The following MYOF variants were observed in gnomAD, a reference collection of about 807,000 sequenced individuals.
The protein encoded by MYOF is myoferlin.
In MYOF, 244 loss-of-function variants were observed where a neutral mutation model predicts 284.2. The ratio of observed to expected loss-of-function variants is 0.86; its 90% confidence interval spans 0.77 to 0.95. The LOEUF (loss-of-function observed/expected upper bound fraction) is 0.95, where lower values mean the gene tolerates loss of function less well. Among genes scored for constraint, MYOF ranks in the 40% least tolerant of loss-of-function variants. The pLI, the probability that MYOF is intolerant of heterozygous loss-of-function variation, is 0.00. For missense variants in MYOF, 2,496 were observed against 2,560.6 expected (o/e 0.97, Z 0.54); for synonymous variants, 904 against 919.7 (o/e 0.98, Z 0.31).
intron 39 of MYOF, among the ~76,000 whole-genome samples, chr10:93,339,142 A>G (rs2133840006): frequency 6.6e-6 from 1 of 151,480 alleles, no homozygotes; most frequent in East Asian, 2.0e-4. Flanking sequence ...CCTCCCGAGT[A>G]GCTGGCACTA....
intron 37 of MYOF, 126 bp from the exon 38 acceptor site, chr10:93,344,058 GAATAGA>G: frequency 1.1e-6 from 1 of 888,702 alleles, no homozygotes. Context: ...GGGACTTACA[GAATAGA>G]GAGGACAACT....
chr10:93,334,728 A>G (rs774628280), intron 41 of MYOF, among the ~76,000 whole-genome samples: 59 of 152,284 alleles, frequency 3.9e-4, no homozygotes, highest in Admixed American at 1.7e-3. Context: ...GTCTTTATTC[A>G]GTCAAGCAGC....
Position 93,374,862 on chromosome 10 carries a change from A to T in MYOF, c.2202T>A (p.His734Gln). Residue 734 changes from histidine to glutamine, a missense_variant, in exon 23 of 54, where the codon CAT (histidine) becomes CAA (glutamine). Physicochemically the swap from His to Gln is conservative, Grantham distance 24. This residue lies in a region of MYOF where 2,436 missense variants were observed against 2,480.7 expected (regional missense o/e 0.98). Transcript: ENST00000359263. ...KLRSRSLSQI[H>Q]EAAVRMRSEA... ...CCGACCTCATCCTCACAGCCGCCTC[A>T]TGTATTTGGGAGAGAGACCTGGACC... is the stretch of plus-strand genomic sequence containing the variant. 6.2e-7 allele frequency: 1 copy of T among 1,614,150 alleles called. No homozygotes were observed. Among genetic ancestry groups the T allele is most frequent in the South Asian group, 1.1e-5 (1 of 91,080 alleles).
At chr10:93,397,340 T>C in intron 14 of MYOF, 48 bp downstream of exon 14, 1 of 1,593,652 alleles carries the variant, frequency 6.3e-7, no homozygotes, top group Non-Finnish European at 8.6e-7. Context: ...GATTTAGTAA[T>C]TATTAAGTAA....
At chr10:93,458,809 C>T (rs1320085185) in intron 1 of MYOF, among the ~76,000 whole-genome samples, 1 of 152,192 alleles carries the variant, frequency 6.6e-6, no homozygotes, top group Non-Finnish European at 1.5e-5. Context: ...ACATTAGTGG[C>T]CACACTTTGA....
chr10:93,363,999 C>G lies in MYOF; in HGVS notation c.2830G>C (p.Gly944Arg). ...VYQNESRYPG[G>R]DWKPAEDTYT... The stretch of plus-strand genomic sequence containing the variant: ...GTGTCCTCGGCCGGCTTCCAGTCGC[C>G]CCCGGGGTAGCGGCTCTCGTTCTGA... Residue 944 changes from glycine to arginine, a missense_variant, in exon 27 of 54, where the codon GGC becomes CGC. Physicochemically the swap from Gly to Arg is moderately radical, Grantham distance 125. Transcript: ENST00000359263. The G allele has an allele frequency of 6.2e-7, 1 of 1,614,190 alleles. No individual in the cohort carries two copies. Among genetic ancestry groups the G allele is most frequent in the Non-Finnish European group, 8.5e-7 (1 of 1,180,038 alleles).
intron 19 of MYOF, among the ~76,000 whole-genome samples, chr10:93,381,929 C>T (rs761249138): frequency 5.9e-5 from 9 of 152,082 alleles, no homozygotes; most frequent in South Asian, 2.1e-4. Context: ...CTCAGCTACT[C>T]GGGAGGCTGA....
chr10:93,357,105 C>G (rs542248151), intron 29 of MYOF, among the ~76,000 whole-genome samples: 24 of 152,310 alleles, frequency 1.6e-4, no homozygotes, highest in African/African-American at 5.5e-4. Context: ...TCAGGAGGTG[C>G]ACCTCATTCA....
In MYOF at chr10:93,377,415, T is replaced by C. The variant is rs1362509120; in HGVS notation, c.2016A>G (p.Glu672=). The part of the protein sequence containing the change: ...AMAERLQTNI[E]ALKSGIQGKI... ...TACCTTGTATCCCTGATTTTAGAGC[T>C]TCTATATTTGTTTGCTGAAGAATTT... The change falls in exon 22 of 54, where the codon GAA becomes GAG. Residue 672 remains glutamate, a synonymous_variant. Transcript: ENST00000359263. The C allele has an allele frequency of 6.2e-7, 1 of 1,613,396 alleles. No homozygotes were observed. The highest frequency in any genetic ancestry group is 8.5e-7 in the Non-Finnish European group (1 of 1,179,392).
chr10:93,384,988 G>A (rs560213191), intron 19 of MYOF, among the ~76,000 whole-genome samples: 36 of 152,258 alleles, frequency 2.4e-4, no homozygotes, highest in Admixed American at 1.6e-3. Flanking sequence ...GAACCTGAAG[G>A]TGCTGTTTCT....
chr10:93,392,775 T>G, intron 17 of MYOF, 142 bp downstream of exon 17: 1 of 730,762 alleles, frequency 1.4e-6, no homozygotes, highest in Non-Finnish European at 2.3e-6. Context: ...CGTATGGCAC[T>G]TACACAAAAA....
At chr10:93,394,448 C>CTCTTTT (rs1846871495) in intron 16 of MYOF, among the ~76,000 whole-genome samples, 5 of 28,698 alleles carry the variant, frequency 1.7e-4, no homozygotes, top group Non-Finnish European at 3.3e-4. Flanking sequence ...ACCATCTTGT[C>CTCTTTT]TTTTTTTTTT....
chr10:93,339,232 C>T (rs1486215228), intron 39 of MYOF, among the ~76,000 whole-genome samples: 4 of 152,038 alleles, frequency 2.6e-5, no homozygotes, highest in Non-Finnish European at 4.4e-5. Context: ...AGGCTGGTCT[C>T]GAACTCCTGA....
Position 93,370,314 on chromosome 10 carries a change from A to ATTTTTTTTT in MYOF, c.2458-547_2458-539dup, listed in dbSNP as rs916555324. Reference sequence around the variant, plus strand: ...GTTGATCAAGCAGTAATGATTACTAATTTTTTTTTTTTTTTTTTTTTGAGA... The same window carrying ATTTTTTTTT: ...GTTGATCAAGCAGTAATGATTACTAATTTTTTTTTTTTTTTTTTTTTTTTTTTTTTGAGA... On this transcript the variant is annotated intron_variant, in intron 24 of 53. Coordinates refer to ENST00000359263, the MANE Select transcript of MYOF (RefSeq NM_013451.4). 1.8e-3 allele frequency among the ~76,000 whole-genome samples: 217 copies of ATTTTTTTTT among 122,374 alleles called. 20 individuals carry two copies. Among genetic ancestry groups the ATTTTTTTTT allele is most frequent in the African/African-American group, 7.2e-3 (202 of 28,232 alleles). 80.3% of individuals were successfully genotyped at this position (122,374 alleles called of 152,430 possible).
At position 93,369,354 on chromosome 10, in the gene MYOF, C is replaced by A. The variant is rs150661663; in HGVS notation, c.2589+291G>T. 1.9e-4 allele frequency among the ~76,000 whole-genome samples: 29 copies of A among 151,852 alleles called. No individual in the cohort carries two copies. In the East Asian group the frequency reaches 5.6e-3, roughly 29 times the overall value. ...CTAGTTTTGAGAGCTAGAAAGACAC[C>A]CATTTTCAGTATTGCTAGTAAGATT... is the stretch of plus-strand genomic sequence containing the variant. On this transcript the variant is annotated intron_variant, in intron 25 of 53. Transcript: ENST00000359263.
chr10:93,330,028 C>T (rs1843232719), intron 43 of MYOF, among the ~76,000 whole-genome samples, 194 bp from the exon 44 acceptor site: 1 of 152,184 alleles, frequency 6.6e-6, no homozygotes, highest in Non-Finnish European at 1.5e-5. Flanking sequence ...AAGAAGAGAA[C>T]ATATGCTTGC....
chr10:93,480,023 TC>T (rs2057353203), intron 1 of MYOF, among the ~76,000 whole-genome samples: 1 of 152,208 alleles, frequency 6.6e-6, no homozygotes, highest in Non-Finnish European at 1.5e-5. Context: ...TAACTCCAAT[TC>T]CTCTATAATC....
chr10:93,326,295 C>T (rs1843045127), intron 45 of MYOF, among the ~76,000 whole-genome samples: 1 of 152,120 alleles, frequency 6.6e-6, no homozygotes, highest in Non-Finnish European at 1.5e-5. Flanking sequence ...TTAGAGGAGG[C>T]CATGTGACCA....
intron 41 of MYOF, among the ~76,000 whole-genome samples, chr10:93,335,613 T>C (rs1843562766): frequency 7.5e-6 from 1 of 134,100 alleles, no homozygotes; most frequent in African/African-American, 2.7e-5. Flanking sequence ...CAGGAAGAGA[T>C]GCGGAGATGG....
Sources: gnomAD v4.1 joint callset for allele counts (sites outside exome capture counted in the v4.1 genomes callset) on GRCh38, gnomAD v4.1.1 for gene constraint, gnomAD v4.1.1 regional missense constraint, MANE v1.5 for transcripts, NCBI Gene and HGNC (gene_info 2026-07-23, HGNC 2026-07-21) for gene names.